The following TMEM178A variants were observed in gnomAD, a reference collection of about 807,000 sequenced individuals.
TMEM178A encodes the protein transmembrane protein 178.
Under a neutral mutation model 29.1 loss-of-function variants are expected in TMEM178A, and 12 were observed. The observed-to-expected ratio is 0.41, with a 90% CI of 0.26 to 0.67. The LOEUF is 0.67. TMEM178A is among the 30% of genes least tolerant of loss of function. TMEM178A has a pLI of 0.29. For synonymous variants in TMEM178A, 210 were observed against 187.2 expected (o/e 1.12, Z -0.99); for missense variants, 366 against 419.1 (o/e 0.87, Z 1.11).
At chr2:39,718,697 G>A (rs980421562), downstream of TMEM178A, among the ~76,000 whole-genome samples, 1 of 151,176 alleles carries the variant, frequency 6.6e-6, no homozygotes, top group African/African-American at 2.4e-5. Context: ...TTTTTTTCTC[G>A]ATCCTTTTTC....
chr2:39,728,094 G>A, the TMEM178A span, among the ~76,000 whole-genome samples: 21 of 152,054 alleles, frequency 1.4e-4, no homozygotes, highest in Non-Finnish European at 2.4e-4. Flanking sequence ...GGGATTGCTG[G>A]GTCAAATGGT....
At chr2:39,667,029 C>G (rs943086431) in intron 1 of TMEM178A, among the ~76,000 whole-genome samples, 3 of 151,232 alleles carry the variant, frequency 2.0e-5, no homozygotes, top group Non-Finnish European at 4.4e-5. Context: ...CAATCGTTGG[C>G]TGGTGGAGGC....
intron 2 of TMEM178A, 63 bp downstream of exon 2, chr2:39,704,257 C>T (rs1488359958): frequency 5.1e-6 from 7 of 1,359,248 alleles, no homozygotes; most frequent in South Asian, 2.4e-5. Flanking sequence ...ATTCCCACCA[C>T]CCCTCTCACA....
chr2:39,673,159 C>T (rs979057986), intron 1 of TMEM178A, among the ~76,000 whole-genome samples: 1 of 152,174 alleles, frequency 6.6e-6, no homozygotes, highest in Non-Finnish European at 1.5e-5. Flanking sequence ...TCTCTTCATG[C>T]CCTGAGCCTT....
At chr2:39,732,363 T>C in the TMEM178A span, among the ~76,000 whole-genome samples, 2 of 152,090 alleles carry the variant, frequency 1.3e-5, no homozygotes, top group African/African-American at 2.4e-5. Flanking sequence ...GGAAGCACAC[T>C]GAGAGGAAAA....
chr2:39,734,906 T>C, the TMEM178A span, among the ~76,000 whole-genome samples: 2 of 152,170 alleles, frequency 1.3e-5, no homozygotes, highest in South Asian at 4.1e-4. Context: ...TCGAAATACA[T>C]CCAGAATCCA....
intron 3 of TMEM178A, among the ~76,000 whole-genome samples, chr2:39,708,088 G>C (rs1306883142): frequency 6.6e-6 from 1 of 152,204 alleles, no homozygotes; most frequent in Non-Finnish European, 1.5e-5. Context: ...ATTTGTGGTA[G>C]TGATAAAAGC....
Position 39,666,265 on chromosome 2 carries a change from C to A in TMEM178A, c.291C>A (p.Gly97=). The change falls in exon 1 of 4, where the codon GGC becomes GGA. Residue 97 remains glycine (G), a synonymous_variant. Coordinates refer to ENST00000281961, the MANE Select transcript of TMEM178A (RefSeq NM_152390.3). ...PESWRSLLGL[G]GLDAECGRPL... is the part of the protein sequence containing the mutation. ...CCTGGCGCTCGCTCCTGGGGCTCGG[C>A]GGGCTGGACGCCGAGTGCGGCCGGC... The A allele has an allele frequency of 2.2e-6, 3 of 1,385,548 alleles. No individual in the cohort carries two copies. Among genetic ancestry groups the A allele is most frequent in the Admixed American group, 2.8e-5 (1 of 35,494 alleles). The allele number at this position is 1,385,548 out of a possible 1,614,324, so 85.8% of individuals were successfully genotyped here. A position where few individuals can be genotyped will look rare whatever the true frequency, so the allele number is the denominator to read the frequency against.
chr2:39,666,852 C>T (rs1017293535), intron 1 of TMEM178A, among the ~76,000 whole-genome samples: 1 of 152,254 alleles, frequency 6.6e-6, no homozygotes, highest in Non-Finnish European at 1.5e-5. Flanking sequence ...TGGTGCCGAC[C>T]TCCGAAGAGA....
intron 1 of TMEM178A, among the ~76,000 whole-genome samples, chr2:39,699,577 C>T (rs958398067): frequency 4.0e-5 from 6 of 151,872 alleles, no homozygotes; most frequent in African/African-American, 1.2e-4. Context: ...CCACCTCAGC[C>T]TCCTGAGTAG....
At chr2:39,732,922 T>C in the TMEM178A span, among the ~76,000 whole-genome samples, 1 of 152,240 alleles carries the variant, frequency 6.6e-6, no homozygotes, top group Non-Finnish European at 1.5e-5. Context: ...TTTCTTAGTG[T>C]TGGCACTAAC....
At chr2:39,671,459 A>G (rs1670404992) in intron 1 of TMEM178A, among the ~76,000 whole-genome samples, 1 of 152,178 alleles carries the variant, frequency 6.6e-6, no homozygotes, top group Non-Finnish European at 1.5e-5. Context: ...TGGTTCACAG[A>G]TTGTTCTCGG....
chr2:39,710,896 C>T (rs572406861), intron 3 of TMEM178A, among the ~76,000 whole-genome samples: 105 of 152,334 alleles, frequency 6.9e-4, no homozygotes, highest in Non-Finnish European at 1.3e-3. Context: ...AAAATGGAAA[C>T]TCTGAAACGA....
intron 1 of TMEM178A, among the ~76,000 whole-genome samples, chr2:39,692,543 A>G (rs1671361683): frequency 6.6e-6 from 1 of 152,190 alleles, no homozygotes; most frequent in Admixed American, 6.5e-5. Flanking sequence ...ATAGTTGGCT[A>G]CTTTTTTTTT....
the TMEM178A span, among the ~76,000 whole-genome samples, chr2:39,724,683 AC>A: frequency 1.3e-5 from 2 of 152,028 alleles, no homozygotes; most frequent in Non-Finnish European, 2.9e-5. Context: ...ACCAAAACAA[AC>A]CTCAAGACAG....
At chr2:39,678,157 A>G (rs1670708438) in intron 1 of TMEM178A, among the ~76,000 whole-genome samples, 1 of 152,210 alleles carries the variant, frequency 6.6e-6, no homozygotes, top group Non-Finnish European at 1.5e-5. Context: ...TCCTTTAAGT[A>G]AAAATATCGG....
At chr2:39,729,956 T>C in the TMEM178A span, among the ~76,000 whole-genome samples, 5 of 152,070 alleles carry the variant, frequency 3.3e-5, no homozygotes, top group Non-Finnish European at 5.9e-5. Context: ...TTTTACTCCT[T>C]CCAGTCCCCA....
chr2:39,731,723 T>C, the TMEM178A span, among the ~76,000 whole-genome samples: 3 of 152,198 alleles, frequency 2.0e-5, no homozygotes, highest in South Asian at 2.1e-4. Context: ...AGTAGTGTTA[T>C]ATTAAGTCTC....
intron 1 of TMEM178A, among the ~76,000 whole-genome samples, chr2:39,675,303 T>A (rs1670571368): frequency 6.6e-6 from 1 of 152,122 alleles, no homozygotes. Flanking sequence ...ACCACTGATT[T>A]GGAAAATTGG....
Sources: gnomAD v4.1 joint callset for allele counts (sites outside exome capture counted in the v4.1 genomes callset) on GRCh38, gnomAD v4.1.1 for gene constraint, MANE v1.5 for transcripts, NCBI Gene and HGNC (gene_info 2026-07-23, HGNC 2026-07-21) for gene names.